BAIAP2L1: variants seen among roughly 807,000 people sequenced by gnomAD.
The protein encoded by BAIAP2L1 is BAR/IMD domain-containing adapter protein 2-like 1.
A neutral mutation model predicts 66.3 loss-of-function variants in BAIAP2L1; 35 were observed. The observed-to-expected ratio is 0.53, with a 90% CI of 0.40 to 0.70. BAIAP2L1 has a LOEUF of 0.70. BAIAP2L1 is among the 30% of genes least tolerant of loss of function. The pLI, the probability that BAIAP2L1 is intolerant of heterozygous loss-of-function variation, is 0.00. For synonymous variants in BAIAP2L1, 269 were observed against 248.7 expected (o/e 1.08, Z -0.77); for missense variants, 622 against 656.9 (o/e 0.95, Z 0.58).
chr7:98,322,239 C>A (rs1030229318), intron 3 of BAIAP2L1, among the ~76,000 whole-genome samples: 1 of 152,154 alleles, frequency 6.6e-6, no homozygotes, highest in Non-Finnish European at 1.5e-5. Flanking sequence ...ACAAATGACC[C>A]TATCATGTCC....
chr7:98,397,385 C>CAT (rs1803240159), intron 1 of BAIAP2L1, among the ~76,000 whole-genome samples: 1 of 138,140 alleles, frequency 7.2e-6, no homozygotes, highest in African/African-American at 2.7e-5. Flanking sequence ...AGTGCAGTGG[C>CAT]GCCATCTTGG....
intron 2 of BAIAP2L1, among the ~76,000 whole-genome samples, chr7:98,357,052 T>G (rs1424187329): frequency 1.3e-3 from 25 of 19,470 alleles, no homozygotes; most frequent in African/African-American, 4.5e-3. Flanking sequence ...TATATATATT[T>G]TTTTTTTTTT....
chr7:98,333,641 G>A (rs1801549419), intron 3 of BAIAP2L1, among the ~76,000 whole-genome samples: 1 of 151,984 alleles, frequency 6.6e-6, no homozygotes, highest in Non-Finnish European at 1.5e-5. Context: ...GAGCACACTG[G>A]TATTTAAATA....
At chr7:98,381,251 G>C (rs902610130) in intron 1 of BAIAP2L1, among the ~76,000 whole-genome samples, 2 of 152,094 alleles carry the variant, frequency 1.3e-5, no homozygotes, top group Non-Finnish European at 1.5e-5. Flanking sequence ...TCTAAAAGGC[G>C]GGGTTTCCTA....
intron 3 of BAIAP2L1, among the ~76,000 whole-genome samples, chr7:98,343,099 A>T (rs562468918): frequency 6.6e-6 from 1 of 151,976 alleles, no homozygotes; most frequent in East Asian, 1.9e-4. Flanking sequence ...ATTATTTAAC[A>T]ATTAAACAGT....
At chr7:98,347,618 A>T (rs1397831754) in intron 3 of BAIAP2L1, among the ~76,000 whole-genome samples, 1 of 152,112 alleles carries the variant, frequency 6.6e-6, no homozygotes, top group East Asian at 1.9e-4. Flanking sequence ...TACTAAAAAT[A>T]CAAAAAATTA....
Position 98,394,104 on chromosome 7 carries a change from G to A in BAIAP2L1, c.51+6698C>T, listed in dbSNP as rs561706152. On this transcript the variant is annotated intron_variant, in intron 1 of 13. Transcript: ENST00000005260. ...TAAAAATACAAAAAATTAGCCGGGCGTGGTGGCAGGCGCCTGTAGTCCCAG... is the reference window on the plus strand; with the variant it reads ...TAAAAATACAAAAAATTAGCCGGGCATGGTGGCAGGCGCCTGTAGTCCCAG... Among the ~76,000 whole-genome samples, 24 of 152,090 alleles carry A rather than the reference G, an allele frequency of 1.6e-4. No individual in the cohort carries two copies. In the East Asian group the frequency reaches 1.8e-3, roughly 11 times the overall value.
chr7:98,367,423 T>C (rs1324411587), intron 1 of BAIAP2L1, among the ~76,000 whole-genome samples: 2 of 152,046 alleles, frequency 1.3e-5, no homozygotes, highest in Non-Finnish European at 2.9e-5. Context: ...CAGGTTGGAG[T>C]GCAGTGGTAC....
At position 98,312,196 on chromosome 7, in the gene BAIAP2L1, T is replaced by C; in HGVS notation, c.708A>G (p.Pro236=). The C allele has an allele frequency of 6.2e-7, 1 of 1,614,166 alleles. No homozygotes were observed. Among genetic ancestry groups the C allele is most frequent in the Non-Finnish European group, 8.5e-7 (1 of 1,180,006 alleles). ...CTTCGATCATATTCATGATTTTCTC[T>C]GGCACTTTGATGGCATCAACACAGG... is the stretch of plus-strand genomic sequence containing the variant. ...QETCVDAIKV[P]EKIMNMIEEI... is the part of the protein sequence containing the mutation. Residue 236 remains proline, a synonymous_variant, in exon 8 of 14, where the codon CCA becomes CCG. Coordinates refer to ENST00000005260, the MANE Select transcript of BAIAP2L1 (RefSeq NM_018842.5).
intron 12 of BAIAP2L1, among the ~76,000 whole-genome samples, chr7:98,300,191 C>T (rs747497197): frequency 3.3e-5 from 5 of 152,216 alleles, no homozygotes; most frequent in Non-Finnish European, 7.3e-5. Context: ...CTCTGACACA[C>T]ACATGCTTGA....
chr7:98,349,134 C>T (rs1801942505), intron 3 of BAIAP2L1, among the ~76,000 whole-genome samples: 2 of 152,166 alleles, frequency 1.3e-5, no homozygotes, highest in Admixed American at 6.5e-5. Flanking sequence ...AATGTGGTTG[C>T]CCATGGAGGT....
intron 3 of BAIAP2L1, 91 bp from the exon 4 acceptor site, chr7:98,320,389 G>C: frequency 1.0e-6 from 1 of 973,800 alleles, no homozygotes; most frequent in African/African-American, 1.6e-5. Context: ...AGGCTGGAGT[G>C]CAAAGGCACG....
chr7:98,347,714 G>T (rs769665357), intron 3 of BAIAP2L1, among the ~76,000 whole-genome samples: 2 of 152,018 alleles, frequency 1.3e-5, no homozygotes, highest in African/African-American at 2.4e-5. Context: ...AGCGGAGCGT[G>T]CAGTGAGCCA....
intron 1 of BAIAP2L1, among the ~76,000 whole-genome samples, chr7:98,395,160 C>T (rs1372506466): frequency 6.6e-6 from 1 of 151,568 alleles, no homozygotes; most frequent in Non-Finnish European, 1.5e-5. Context: ...ATAATCCCAG[C>T]CAGGTGTGGT....
At chr7:98,294,528 G>A (rs900802998) in intron 12 of BAIAP2L1, among the ~76,000 whole-genome samples, 8 of 152,288 alleles carry the variant, frequency 5.3e-5, no homozygotes, top group Non-Finnish European at 8.8e-5. Context: ...TGAACGAGCC[G>A]CCTGCTAAAC....
chr7:98,386,442 A>G, intron 1 of BAIAP2L1: 1 of 1,596,890 alleles, frequency 6.3e-7, no homozygotes, highest in Non-Finnish European at 8.5e-7. Context: ...CCTGGTGACG[A>G]GCGTCTTTCC....
intron 12 of BAIAP2L1, among the ~76,000 whole-genome samples, chr7:98,299,844 C>T (rs1051880722): frequency 2.0e-5 from 3 of 151,950 alleles, no homozygotes; most frequent in Non-Finnish European, 4.4e-5. Context: ...AGTTCGAGAC[C>T]AGCCTGGCCA....
chr7:98,322,099 G>C (rs772560729), intron 3 of BAIAP2L1, among the ~76,000 whole-genome samples: 4 of 151,870 alleles, frequency 2.6e-5, no homozygotes, highest in Non-Finnish European at 5.9e-5. Flanking sequence ...CTGTCTCCCC[G>C]CCCCCCAAAA....
intron 3 of BAIAP2L1, among the ~76,000 whole-genome samples, chr7:98,343,248 T>TACACACAC (rs57033582): frequency 0.022 from 2,839 of 128,554 alleles, 53 homozygotes; most frequent in South Asian, 0.037. Flanking sequence ...AAAAAAAAAA[T>TACACACAC]ACACACACAC....
Sources: allele counts gnomAD v4.1 joint callset (sites outside exome capture counted in the v4.1 genomes callset), GRCh38; gene constraint gnomAD v4.1.1; transcripts MANE v1.5; gene names NCBI Gene and HGNC (gene_info 2026-07-23, HGNC 2026-07-21).